Variants in SYCP2L observed in about 807,000 individuals in gnomAD.
SYCP2L encodes synaptonemal complex protein 2 like, also known as synaptonemal complex protein 2-like.
A neutral mutation model predicts 125.8 loss-of-function variants in SYCP2L; 98 were observed. That is an observed-to-expected ratio of 0.78 (90% CI 0.66 to 0.92). SYCP2L has a LOEUF of 0.92. Ranked by LOEUF, SYCP2L falls within the 40% of genes least tolerant of loss-of-function variation. The pLI is 0.00. For synonymous variants in SYCP2L, 317 were observed against 325.4 expected (o/e 0.97, Z 0.28); for missense variants, 842 against 936.4 (o/e 0.90, Z 1.32).
At chr6:10,962,099 T>C (rs1349944477) in intron 28 of SYCP2L, among the ~76,000 whole-genome samples, 1 of 152,188 alleles carries the variant, frequency 6.6e-6, no homozygotes, top group Admixed American at 6.5e-5. Flanking sequence ...GAGTTGAGTC[T>C]GGATCCTCTA....
chr6:10,957,158 A>G (rs1363921910), intron 25 of SYCP2L, among the ~76,000 whole-genome samples: 1 of 152,218 alleles, frequency 6.6e-6, no homozygotes. Flanking sequence ...ATACTTCAAC[A>G]AAGCTGAAAA....
chr6:10,923,574 T>A (rs931922936), intron 14 of SYCP2L, among the ~76,000 whole-genome samples: 2 of 151,192 alleles, frequency 1.3e-5, no homozygotes, highest in African/African-American at 4.9e-5. Flanking sequence ...TCAGTAGAGA[T>A]AGGGTTTCAG....
rs1780220040 is a variant in SYCP2L at position 10,894,159 on chromosome 6, G to A, written c.291G>A (p.Leu97=). ...TTCAGCGATTCCTCGTAGATGGCCT[G>A]AAAGAAGATGAACCTCTGCTAATTC... ...KCIQRFLVDG[L]KEDEPLLIRQ... is the part of the protein sequence containing the mutation. The change falls in exon 4 of 30, where the codon CTG becomes CTA. Residue 97 remains leucine (L), a synonymous_variant. Coordinates refer to ENST00000283141, the MANE Select transcript of SYCP2L (RefSeq NM_001040274.3). 3 of 1,613,494 alleles carry A rather than the reference G, an allele frequency of 1.9e-6. No homozygotes were observed. The highest frequency in any genetic ancestry group is 2.5e-6 in the Non-Finnish European group (3 of 1,179,860).
intron 23 of SYCP2L, among the ~76,000 whole-genome samples, chr6:10,952,446 G>A (rs1781427866): frequency 6.6e-6 from 1 of 152,202 alleles, no homozygotes; most frequent in African/African-American, 2.4e-5. Flanking sequence ...TTTACACGAT[G>A]TTCCTGGATT....
chr6:10,910,473 A>G (rs1289925052), intron 11 of SYCP2L, among the ~76,000 whole-genome samples: 1 of 152,212 alleles, frequency 6.6e-6, no homozygotes, highest in Non-Finnish European at 1.5e-5. Context: ...AAGAGTTCAT[A>G]GACTTTATGA....
In SYCP2L at chr6:10,910,932, C is replaced by T. The variant is rs187686226; in HGVS notation, c.918+63C>T. On this transcript the variant is annotated intron_variant, in intron 12 of 29. Coordinates refer to ENST00000283141, the MANE Select transcript of SYCP2L (RefSeq NM_001040274.3). ...GCAGTGAAACCAGGAGTTAGGTTTACGTGGTTAGATCAAACTTTTGCTCTC... is the reference window on the plus strand; with the variant it reads ...GCAGTGAAACCAGGAGTTAGGTTTATGTGGTTAGATCAAACTTTTGCTCTC... The T allele has an allele frequency of 2.1e-4, 332 of 1,573,562 alleles. No individual in the cohort carries two copies. The Middle Eastern group carries it at 7.2e-3, about 34-fold the overall frequency.
chr6:10,910,194 A>G lies in SYCP2L; in HGVS notation c.866A>G (p.Gln289Arg), dbSNP rs545592823. The change falls in exon 11 of 30, where the codon CAA becomes CGA. Residue 289 changes from glutamine to arginine, a missense_variant. Gln to Arg is a conservative substitution (Grantham distance 43). Coordinates refer to ENST00000283141, the MANE Select transcript of SYCP2L (RefSeq NM_001040274.3). ...CACCTAAACAACAGACTTGGTGACC[A>G]AAGAAGGTAAGTTGTGTCTCTGAGC... ...LNHLNNRLGDQRRVYSFPCIA... is the reference protein window; with the variant it reads ...LNHLNNRLGDRRRVYSFPCIA... 33 of 1,613,714 alleles carry G rather than the reference A, an allele frequency of 2.0e-5. No individual in the cohort carries two copies. In the South Asian group the frequency reaches 3.2e-4, roughly 16 times the overall value.
At chr6:10,887,582 A>G (rs1010953481) in intron 1 of SYCP2L, among the ~76,000 whole-genome samples, 4 of 152,036 alleles carry the variant, frequency 2.6e-5, no homozygotes, top group Admixed American at 6.5e-5. Flanking sequence ...ATAAATAATA[A>G]AAAAAAACAC....
intron 20 of SYCP2L, among the ~76,000 whole-genome samples, chr6:10,932,733 C>G (rs1241993428): frequency 6.6e-6 from 1 of 152,112 alleles, no homozygotes; most frequent in Non-Finnish European, 1.5e-5. Context: ...GGAATAAACA[C>G]CAAAGAAATA....
chr6:10,918,758 T>G (rs1006222787), intron 14 of SYCP2L, among the ~76,000 whole-genome samples: 4 of 152,098 alleles, frequency 2.6e-5, no homozygotes, highest in Admixed American at 2.6e-4. Context: ...ATGGTCTCAA[T>G]CTCCTGACCT....
At chr6:10,914,199 A>G (rs150536885) in intron 14 of SYCP2L, among the ~76,000 whole-genome samples, 37 of 152,210 alleles carry the variant, frequency 2.4e-4, no homozygotes, top group African/African-American at 7.0e-4. Flanking sequence ...TGATTTTTGT[A>G]TAAGGAGAGG....
intron 14 of SYCP2L, among the ~76,000 whole-genome samples, chr6:10,914,179 C>T (rs142540499): frequency 0.027 from 4,167 of 152,164 alleles, 122 homozygotes; most frequent in Non-Finnish European, 0.039. Context: ...GTCCTTCATC[C>T]GTCTTGAGTT....
At chr6:10,892,687 A>G (rs1297272472) in intron 2 of SYCP2L, among the ~76,000 whole-genome samples, 1 of 152,224 alleles carries the variant, frequency 6.6e-6, no homozygotes, top group East Asian at 1.9e-4. Flanking sequence ...TGCTACTTGT[A>G]TCCTGAGATA....
intron 21 of SYCP2L, among the ~76,000 whole-genome samples, chr6:10,939,709 A>G (rs947166047): frequency 3.9e-5 from 6 of 152,240 alleles, no homozygotes; most frequent in East Asian, 1.9e-4. Flanking sequence ...TTTATACCAT[A>G]TACAAAAATC....
At chr6:10,965,757 G>A (rs901857802) in intron 29 of SYCP2L, among the ~76,000 whole-genome samples, 40 of 152,168 alleles carry the variant, frequency 2.6e-4, no homozygotes, top group Admixed American at 5.2e-4. Flanking sequence ...CATAAATCTT[G>A]CATTACCATG....
rs759963303 is a variant in SYCP2L, at chr6:10,928,451, G to T, written c.1488+1G>T. On this transcript the variant is annotated splice_donor_variant, in intron 18 of 29. Coordinates refer to ENST00000283141, the MANE Select transcript of SYCP2L (RefSeq NM_001040274.3). LOFTEE classifies it high-confidence loss of function. ...GGTCCCTGACTTCCCGCAACAACCT[G>T]TGAGTACAGGGAGTGGGGCTCAAGT... 12 of 1,589,646 alleles carry T rather than the reference G, an allele frequency of 7.5e-6. No individual in the cohort carries two copies. The highest frequency in any genetic ancestry group is 8.6e-6 in the Non-Finnish European group (10 of 1,169,332).
rs369893792 is a variant in SYCP2L, at chr6:10,904,859, G to A, written c.642-1161G>A. The stretch of plus-strand genomic sequence containing the variant: ...AGGCATTAAAAGATCGACTCGGCCG[G>A]GCATGGTGGCTCACACCTGTAATCC... On this transcript the variant is annotated intron_variant, in intron 8 of 29. Coordinates refer to ENST00000283141, the MANE Select transcript of SYCP2L (RefSeq NM_001040274.3). Among the ~76,000 whole-genome samples, 41 of 152,016 alleles carry A rather than the reference G, an allele frequency of 2.7e-4. 1 individual carries two copies. The highest frequency in any genetic ancestry group is 8.3e-4 in the South Asian group (4 of 4,822).
chr6:10,911,691 A>C (rs1340603192), intron 12 of SYCP2L, among the ~76,000 whole-genome samples: 1 of 151,698 alleles, frequency 6.6e-6, no homozygotes, highest in African/African-American at 2.4e-5. Flanking sequence ...ATTTCCATTC[A>C]CTTCCATCAG....
intron 9 of SYCP2L, among the ~76,000 whole-genome samples, 176 bp downstream of exon 9, chr6:10,906,230 C>T (rs1420017168): frequency 2.0e-5 from 3 of 151,824 alleles, no homozygotes; most frequent in East Asian, 1.9e-4. Flanking sequence ...AAGAATAATT[C>T]GTGAGTACTC....
Sources: gnomAD v4.1 joint callset for allele counts (sites outside exome capture counted in the v4.1 genomes callset) on GRCh38, gnomAD v4.1.1 for gene constraint, MANE v1.5 for transcripts, NCBI Gene and HGNC (gene_info 2026-07-23, HGNC 2026-07-21) for gene names.